The following ADGRB3 variants were observed in gnomAD, a reference collection of about 807,000 sequenced individuals.
ADGRB3 encodes brain-specific angiogenesis inhibitor 3.
Under a neutral mutation model 193.4 loss-of-function variants are expected in ADGRB3, and 37 were observed. That is an observed-to-expected ratio of 0.19 (90% CI 0.15 to 0.25). The LOEUF (loss-of-function observed/expected upper bound fraction) is 0.25, where lower values mean the gene tolerates loss of function less well. Ranked by LOEUF, ADGRB3 falls within the 10% of genes least tolerant of loss-of-function variation. The probability of loss-of-function intolerance (pLI) is 1.00; values close to 1 mark genes in which losing one functional copy is unlikely to be tolerated. For missense variants in ADGRB3, 1,637 were observed against 1,852.9 expected, an observed-to-expected ratio of 0.88 and a Z score of 2.14; for synonymous variants, 690 against 644.2, an observed-to-expected ratio of 1.07 and a Z score of -1.08.
intron 11 of ADGRB3, among the ~76,000 whole-genome samples, chr6:69,009,315 G>T (rs1377784851): frequency 6.6e-6 from 1 of 152,096 alleles, no homozygotes; most frequent in East Asian, 1.9e-4. Flanking sequence ...GGGGAGGGGG[G>T]AGTGATGATC....
chr6:68,636,987 T>C (rs1448062567), intron 1 of ADGRB3, among the ~76,000 whole-genome samples: 1 of 152,034 alleles, frequency 6.6e-6, no homozygotes, highest in East Asian at 1.9e-4. Context: ...AGGAAATTAT[T>C]TCCAGAATTT....
chr6:69,046,646 T>G (rs1771245872), intron 13 of ADGRB3, among the ~76,000 whole-genome samples: 1 of 152,154 alleles, frequency 6.6e-6, no homozygotes, highest in Admixed American at 6.5e-5. Context: ...TGAAATACCA[T>G]CCTATGCTGA....
chr6:69,031,917 C>A (rs74981310), intron 13 of ADGRB3, among the ~76,000 whole-genome samples: 3 of 152,024 alleles, frequency 2.0e-5, no homozygotes, highest in East Asian at 1.9e-4. Flanking sequence ...CAGATGTGAG[C>A]GACTGTTCTG....
In ADGRB3 at chr6:69,126,675, C is replaced by T. The variant is rs867630054; in HGVS notation, c.2480+50637C>T. 1.8e-4 allele frequency among the ~76,000 whole-genome samples: 28 copies of T among 152,246 alleles called. 1 individual carries two copies. Among genetic ancestry groups the T allele is most frequent in the African/African-American group, 6.5e-4 (27 of 41,562 alleles). On this transcript the variant is annotated intron_variant, in intron 17 of 31. Transcript: ENST00000370598. ...CTCACTCAGTCTACTGATTTAAATG[C>T]CAATCTCTTCCAGAAATACCCTCAC... is the stretch of plus-strand genomic sequence containing the variant.
At chr6:69,308,968 G>T (rs1442508612) in intron 20 of ADGRB3, among the ~76,000 whole-genome samples, 1 of 151,598 alleles carries the variant, frequency 6.6e-6, no homozygotes, top group East Asian at 1.9e-4. Context: ...TTATTCTGGT[G>T]CCCCATGTGC....
chr6:68,941,688 G>C (rs923752955), intron 5 of ADGRB3, among the ~76,000 whole-genome samples: 3 of 151,852 alleles, frequency 2.0e-5, no homozygotes, highest in Admixed American at 1.3e-4. Flanking sequence ...AGGAGAAAAG[G>C]TTTTTAAAAT....
At position 69,107,981 on chromosome 6, in the gene ADGRB3, T is replaced by C. The variant is rs1773259296; in HGVS notation, c.2480+31943T>C. 6.6e-5 allele frequency among the ~76,000 whole-genome samples: 10 copies of C among 150,692 alleles called. No individual in the cohort carries two copies. The South Asian group carries it at 2.1e-3, about 32-fold the overall frequency. ...GGATCATTCATACCCCAAACCTCAG[T>C]ACCATGCAATGAATCTAGATAACAA... On this transcript the variant is annotated intron_variant, in intron 17 of 31. Transcript: ENST00000370598.
intron 3 of ADGRB3, among the ~76,000 whole-genome samples, chr6:68,653,278 C>T (rs191069609): frequency 2.0e-5 from 3 of 152,072 alleles, no homozygotes; most frequent in East Asian, 3.9e-4. Context: ...TTTTTTGAGA[C>T]GCTGAGAAGT....
chr6:68,891,410 TTAAGAC>T (rs1188275044), intron 3 of ADGRB3, among the ~76,000 whole-genome samples: 1 of 152,162 alleles, frequency 6.6e-6, no homozygotes, highest in East Asian at 1.9e-4. Context: ...TGATTTAAAC[TTAAGAC>T]TAATGTAACA....
intron 17 of ADGRB3, among the ~76,000 whole-genome samples, chr6:69,117,624 A>G (rs1773571272): frequency 6.6e-6 from 1 of 152,196 alleles, no homozygotes; most frequent in Non-Finnish European, 1.5e-5. Flanking sequence ...GTTTGGAAAT[A>G]TGAGGGATTA....
intron 3 of ADGRB3, among the ~76,000 whole-genome samples, chr6:68,724,716 G>C (rs1765643626): frequency 1.3e-5 from 2 of 149,766 alleles, no homozygotes; most frequent in Non-Finnish European, 3.0e-5. Flanking sequence ...CTTATAAAGA[G>C]ACCTTCCCAT....
rs369633152 is a variant in ADGRB3 at position 69,212,192 on chromosome 6, G to GTTGC, written c.2481-21095_2481-21092dup. On this transcript the variant is annotated intron_variant, in intron 17 of 31. Coordinates refer to ENST00000370598, the MANE Select transcript of ADGRB3 (RefSeq NM_001704.3). ...CGAAAAAACATCAAAACTCATTTTT[G>GTTGC]TTGCTTATTTGCCTGTGAAACGTGT... Among the ~76,000 whole-genome samples the GTTGC allele has an allele frequency of 5.5e-3, 840 of 152,166 alleles. 8 individuals are homozygous for GTTGC. Among genetic ancestry groups the GTTGC allele is most frequent in the African/African-American group, 0.019 (776 of 41,514 alleles).
At chr6:68,970,696 G>A (rs1768535883) in intron 8 of ADGRB3, among the ~76,000 whole-genome samples, 1 of 152,150 alleles carries the variant, frequency 6.6e-6, no homozygotes, top group South Asian at 2.1e-4. Context: ...CACATATTAG[G>A]TAAAAATGTA....
intron 17 of ADGRB3, among the ~76,000 whole-genome samples, chr6:69,089,075 A>G (rs1427812808): frequency 6.6e-6 from 1 of 152,252 alleles, no homozygotes; most frequent in African/African-American, 2.4e-5. Flanking sequence ...CAAAGGGTTA[A>G]TTAGTGGAAG....
intron 11 of ADGRB3, among the ~76,000 whole-genome samples, chr6:69,006,152 G>A (rs1339988397): frequency 9.2e-5 from 14 of 151,844 alleles, no homozygotes; most frequent in Admixed American, 9.2e-4. Flanking sequence ...TAATAATGTT[G>A]TTCTTACTTA....
At chr6:68,675,340 A>G (rs1274868697) in intron 3 of ADGRB3, among the ~76,000 whole-genome samples, 1 of 152,194 alleles carries the variant, frequency 6.6e-6, no homozygotes, top group African/African-American at 2.4e-5. Context: ...TAAAGCAATA[A>G]CAAAGTAGAA....
At chr6:69,092,254 G>A (rs1169691388) in intron 17 of ADGRB3, among the ~76,000 whole-genome samples, 1 of 152,140 alleles carries the variant, frequency 6.6e-6, no homozygotes. Flanking sequence ...CTTGCCTAAA[G>A]GAGTACCAGA....
intron 3 of ADGRB3, among the ~76,000 whole-genome samples, chr6:68,651,228 G>T (rs1464924274): frequency 6.6e-6 from 1 of 152,156 alleles, no homozygotes; most frequent in Non-Finnish European, 1.5e-5. Context: ...TATTTTTTAA[G>T]TGCTGCTTGA....
At chr6:69,229,707 A>G (rs1051846440) in intron 17 of ADGRB3, among the ~76,000 whole-genome samples, 2 of 152,164 alleles carry the variant, frequency 1.3e-5, no homozygotes, top group Admixed American at 6.5e-5. Flanking sequence ...TCTTTTTACT[A>G]AATAGCTTTT....
Sources: gnomAD v4.1 joint callset for allele counts (sites outside exome capture counted in the v4.1 genomes callset) on GRCh38, gnomAD v4.1.1 for gene constraint, MANE v1.5 for transcripts, NCBI Gene and HGNC (gene_info 2026-07-23, HGNC 2026-07-21) for gene names.